Variants in ENOX1 observed in about 807,000 individuals in gnomAD.
ENOX1 encodes ecto-NOX disulfide-thiol exchanger 1, also known as candidate growth-related and time keeping constitutive hydroquinone (NADH) oxidase.
Under a neutral mutation model 82.5 loss-of-function variants are expected in ENOX1, and 42 were observed. The ratio of observed to expected loss-of-function variants is 0.51; its 90% CI spans 0.40 to 0.66. The LOEUF (loss-of-function observed/expected upper bound fraction) is 0.66. Ranked by LOEUF, ENOX1 falls within the 30% of genes least tolerant of loss-of-function variation. ENOX1 has a pLI of 0.00. For synonymous variants in ENOX1, 271 were observed against 282.2 expected, an observed-to-expected ratio of 0.96 and a Z score of 0.40; for missense variants, 608 against 811.6, an observed-to-expected ratio of 0.75 and a Z score of 3.05.
intron 2 of ENOX1, among the ~76,000 whole-genome samples, chr13:43,622,379 G>A (rs557497166): frequency 2.6e-5 from 4 of 152,232 alleles, no homozygotes; most frequent in Non-Finnish European, 5.9e-5. Flanking sequence ...GGTAGGCTCT[G>A]TCAGAGGGAA....
intron 2 of ENOX1, among the ~76,000 whole-genome samples, chr13:43,597,615 C>A (rs984163790): frequency 3.3e-5 from 5 of 152,162 alleles, no homozygotes; most frequent in Non-Finnish European, 7.3e-5. Flanking sequence ...ATCTCTAGCC[C>A]TTTCTCTATT....
intron 5 of ENOX1, among the ~76,000 whole-genome samples, chr13:43,407,118 G>A (rs897319987): frequency 2.6e-5 from 4 of 152,122 alleles, no homozygotes; most frequent in African/African-American, 9.7e-5. Flanking sequence ...AGAGCAGCTG[G>A]TCACACAAGA....
At chr13:43,695,689 C>T (rs1479871252) in intron 1 of ENOX1, among the ~76,000 whole-genome samples, 3 of 152,096 alleles carry the variant, frequency 2.0e-5, no homozygotes, top group African/African-American at 4.8e-5. Context: ...CTCAGATGAT[C>T]GGCCCGCCTC....
chr13:43,607,633 T>A (rs2082033436), intron 2 of ENOX1, among the ~76,000 whole-genome samples: 1 of 152,122 alleles, frequency 6.6e-6, no homozygotes, highest in Non-Finnish European at 1.5e-5. Context: ...ATATTGCAAA[T>A]CCTGAATATT....
chr13:43,404,621 A>G (rs1254830606), intron 5 of ENOX1, among the ~76,000 whole-genome samples: 1 of 152,264 alleles, frequency 6.6e-6, no homozygotes, highest in African/African-American at 2.4e-5. Context: ...AGTCATTTGT[A>G]TAATTATTTG....
At chr13:43,427,924 A>T (rs1156502761) in intron 3 of ENOX1, among the ~76,000 whole-genome samples, 3 of 152,226 alleles carry the variant, frequency 2.0e-5, no homozygotes, top group Non-Finnish European at 2.9e-5. Flanking sequence ...AAACAAAAAA[A>T]GTTGGCTGAA....
Position 43,445,344 on chromosome 13 carries a change from T to C in ENOX1, c.-74-32356A>G, listed in dbSNP as rs147752402. ...TTCACCGTGTTAGCCAGGATGGTCTTGATCTCCTGACCTCGTGATCTGCCC... is the reference window on the plus strand; with the variant it reads ...TTCACCGTGTTAGCCAGGATGGTCTCGATCTCCTGACCTCGTGATCTGCCC... On this transcript the variant is annotated intron_variant, in intron 3 of 16. Transcript: ENST00000690772. Among the ~76,000 whole-genome samples, 843 of 152,122 alleles carry C rather than the reference T, an allele frequency of 5.5e-3. 3 individuals are homozygous for C. The highest frequency in any genetic ancestry group is 0.023 in the East Asian group (121 of 5,160).
chr13:43,461,453 T>C (rs2057480641), intron 3 of ENOX1, among the ~76,000 whole-genome samples: 1 of 152,160 alleles, frequency 6.6e-6, no homozygotes, highest in African/African-American at 2.4e-5. Context: ...TTGATATATA[T>C]ATTTTTTTCT....
chr13:43,696,415 A>G (rs958185221), intron 1 of ENOX1, among the ~76,000 whole-genome samples: 14 of 152,164 alleles, frequency 9.2e-5, no homozygotes, highest in African/African-American at 2.9e-4. Context: ...GCTATTTGAT[A>G]TATTTTGGTT....
chr13:43,587,812 A>G (rs1165673712), intron 2 of ENOX1, among the ~76,000 whole-genome samples: 2 of 152,220 alleles, frequency 1.3e-5, no homozygotes, highest in Admixed American at 6.5e-5. Flanking sequence ...AAATAAATAC[A>G]GTTATTCTTC....
chr13:43,537,303 G>A (rs1390034171), intron 2 of ENOX1, among the ~76,000 whole-genome samples: 2 of 152,170 alleles, frequency 1.3e-5, no homozygotes, highest in Non-Finnish European at 2.9e-5. Flanking sequence ...AGCTACCAAT[G>A]ACAAGTGAAG....
chr13:43,678,814 T>A (rs1257086670), intron 1 of ENOX1, among the ~76,000 whole-genome samples: 2 of 152,194 alleles, frequency 1.3e-5, no homozygotes, highest in African/African-American at 4.8e-5. Flanking sequence ...CTGTCTCACA[T>A]TTAGCATGAC....
chr13:43,320,164 A>C (rs1445974436), intron 11 of ENOX1, among the ~76,000 whole-genome samples: 1 of 152,236 alleles, frequency 6.6e-6, no homozygotes, highest in Non-Finnish European at 1.5e-5. Flanking sequence ...CCGTGGAATA[A>C]AAAAGGTTAG....
chr13:43,721,686 A>C (rs907323174), intron 1 of ENOX1, among the ~76,000 whole-genome samples: 2 of 152,008 alleles, frequency 1.3e-5, no homozygotes, highest in African/African-American at 4.8e-5. Flanking sequence ...CCTATATTTT[A>C]TATCTTTACT....
intron 1 of ENOX1, among the ~76,000 whole-genome samples, chr13:43,762,260 C>T (rs926506334): frequency 9.2e-5 from 14 of 152,200 alleles, no homozygotes; most frequent in Non-Finnish European, 1.3e-4. Context: ...GCAAACATCT[C>T]CCTCCAGTTT....
rs76314892 is a variant in ENOX1 at position 43,686,542 on chromosome 13, G to C, written c.-284-18998C>G. Among the ~76,000 whole-genome samples, 597 of 152,236 alleles carry C rather than the reference G, an allele frequency of 3.9e-3. 8 individuals are homozygous for C. The East Asian group carries it at 0.05, about 13-fold the overall frequency. On this transcript the variant is annotated intron_variant, in intron 1 of 16. Transcript: ENST00000690772. ...TGAGGCAAAAGGAGGTTCTGAACTC[G>C]AACCATATGAATGTTGACCCACAAA...
chr13:43,719,345 AC>A (rs1435062124), intron 1 of ENOX1, among the ~76,000 whole-genome samples: 6 of 148,768 alleles, frequency 4.0e-5, no homozygotes. Context: ...ACACACACAC[AC>A]ACCAGCAATC....
At chr13:43,401,820 A>G (rs975907477) in intron 5 of ENOX1, among the ~76,000 whole-genome samples, 1 of 152,186 alleles carries the variant, frequency 6.6e-6, no homozygotes, top group Non-Finnish European at 1.5e-5. Context: ...GGCTGCTTAG[A>G]TCCATTAACC....
At chr13:43,259,532 G>A (rs566361204) in intron 14 of ENOX1, among the ~76,000 whole-genome samples, 38 of 152,168 alleles carry the variant, frequency 2.5e-4, no homozygotes, top group African/African-American at 8.9e-4. Flanking sequence ...GCAGTGGTGC[G>A]ATCTCGGCTT....
Sources: gnomAD v4.1 joint callset for allele counts (sites outside exome capture counted in the v4.1 genomes callset) on GRCh38, gnomAD v4.1.1 for gene constraint, MANE v1.5 for transcripts, NCBI Gene and HGNC (gene_info 2026-07-23, HGNC 2026-07-21) for gene names.